The following MS4A4E variants were observed in gnomAD, a reference collection of about 807,000 sequenced individuals.
The protein encoded by MS4A4E is putative membrane-spanning 4-domains subfamily A member 4E.
In MS4A4E, 23 loss-of-function variants were observed where a neutral mutation model predicts 13.3. The ratio of observed to expected loss-of-function variants is 1.73; its 90% confidence interval spans 1.25 to 2.45. The LOEUF is 2.45. Among genes scored for constraint, MS4A4E ranks in the 30% most tolerant of loss-of-function variants. MS4A4E has a pLI of 0.00. For synonymous variants in MS4A4E, 36 were observed against 45.6 expected (o/e 0.79, Z 0.85); for missense variants, 144 against 131.2 (o/e 1.10, Z -0.48).
chr11:60,220,868 C>T (rs1271499845), intron 3 of MS4A4E, among the ~76,000 whole-genome samples: 4 of 152,144 alleles, frequency 2.6e-5, no homozygotes, highest in Non-Finnish European at 5.9e-5. Context: ...TTACTTGGCC[C>T]ATTAATCAAG....
chr11:60,228,598 A>T lies in MS4A4E; in HGVS notation c.174T>A (p.His58Gln). ...GVLCGHKFST[H>Q]SVSLSVAAGI... Reference sequence around the variant, plus strand: ...CAATATAGTAATCATACTTACCCGAATGAGTTGAAAACTTATGTCCACACA... The same window carrying T: ...CAATATAGTAATCATACTTACCCGATTGAGTTGAAAACTTATGTCCACACA... The change falls in exon 3 of 9, where the codon CAT (histidine) becomes CAA (glutamine). Residue 58 changes from histidine (H) to glutamine (Q), a missense_variant. By Grantham distance (24) the His-to-Gln change is conservative. Around this residue, in one of 3 missense-constraint regions of MS4A4E, gnomAD observed 119 missense variants for 88.7 expected, o/e 1.34. Coordinates refer to ENST00000651255, the MANE Select transcript of MS4A4E (RefSeq NM_001393391.1). 1 of 698,566 alleles carries T rather than the reference A, an allele frequency of 1.4e-6. No homozygotes were observed. Among genetic ancestry groups the T allele is most frequent in the Non-Finnish European group, 2.6e-6 (1 of 383,036 alleles). 43.3% of individuals were successfully genotyped at this position (698,566 alleles called of 1,614,324 possible).
At chr11:60,205,224 AGCAC>A (rs2084024788) in intron 7 of MS4A4E, among the ~76,000 whole-genome samples, 1 of 152,198 alleles carries the variant, frequency 6.6e-6, no homozygotes, top group Admixed American at 6.5e-5. Context: ...ACCACTCTCC[AGCAC>A]ATTAATTCTT....
In MS4A4E at chr11:60,242,992, G is replaced by T; in HGVS notation, c.-51C>A. ...GGCCTGCAATGTCTGCTGCAGGTCT[G>T]ATGAGTGCAGGGCTCTGGGCAAGTT... On this transcript the variant is annotated 5_prime_UTR_variant, in exon 1 of 9. Coordinates refer to ENST00000651255, the MANE Select transcript of MS4A4E (RefSeq NM_001393391.1). The T allele has an allele frequency of 6.3e-7, 1 of 1,581,304 alleles. No homozygotes were observed. Among genetic ancestry groups the T allele is most frequent in the Non-Finnish European group, 8.7e-7 (1 of 1,155,564 alleles).
At chr11:60,239,490 T>G (rs142619607) in intron 1 of MS4A4E, among the ~76,000 whole-genome samples, 1 of 152,146 alleles carries the variant, frequency 6.6e-6, no homozygotes, top group East Asian at 1.9e-4. Context: ...TTGGGGGAAG[T>G]GAAAAAGCAG....
intron 1 of MS4A4E, among the ~76,000 whole-genome samples, chr11:60,239,687 C>T (rs575788632): frequency 6.6e-6 from 1 of 152,316 alleles, no homozygotes; most frequent in Admixed American, 6.5e-5. Context: ...AGGCCCTCCT[C>T]TTCCTCTTGT....
Position 60,233,288 on chromosome 11 carries a change from C to T in MS4A4E, c.-16-3217G>A, listed in dbSNP as rs113612771. On this transcript the variant is annotated intron_variant, in intron 1 of 8. Coordinates refer to ENST00000651255, the MANE Select transcript of MS4A4E (RefSeq NM_001393391.1). ...CCAGGGTTGGAATTGCTGCTATGCCCGATTGTCTCTGGAACCAAAATTTCA... is the reference window on the plus strand; with the variant it reads ...CCAGGGTTGGAATTGCTGCTATGCCTGATTGTCTCTGGAACCAAAATTTCA... 1.7e-3 allele frequency among the ~76,000 whole-genome samples: 258 copies of T among 152,288 alleles called. 1 individual carries two copies. The highest frequency in any genetic ancestry group is 5.9e-3 in the African/African-American group (246 of 41,560).
At chr11:60,235,454 G>A (rs1246071534) in intron 1 of MS4A4E, among the ~76,000 whole-genome samples, 2 of 152,164 alleles carry the variant, frequency 1.3e-5, no homozygotes, top group Non-Finnish European at 2.9e-5. Flanking sequence ...AACAGGGAAA[G>A]GACACTTGCA....
Position 60,229,960 on chromosome 11 carries a change from A to G in MS4A4E, c.96T>C (p.Cys32=). ...TGAAGAACTTCTCTTGCAATCCTTT[A>G]CACAGATATGAATGTATGACATCTA... ...GNIDVIHSYL[C]KGLQEKFFKR... Residue 32 remains cysteine, a synonymous_variant, in exon 2 of 9, where the codon TGT becomes TGC. Coordinates refer to ENST00000651255, the MANE Select transcript of MS4A4E (RefSeq NM_001393391.1). The G allele has an allele frequency of 6.2e-7, 1 of 1,613,520 alleles. No homozygotes were observed. The highest frequency in any genetic ancestry group is 1.1e-5 in the South Asian group (1 of 90,982).
At chr11:60,210,988 C>T (rs2084113639) in intron 5 of MS4A4E, among the ~76,000 whole-genome samples, 1 of 152,084 alleles carries the variant, frequency 6.6e-6, no homozygotes, top group African/African-American at 2.4e-5. Flanking sequence ...AGCATTAGAC[C>T]AAGCACAGGG....
Position 60,201,497 on chromosome 11 carries a change from C to G in MS4A4E, c.*46G>C, listed in dbSNP as rs757459348. On this transcript the variant is annotated 3_prime_UTR_variant, in exon 9 of 9. Coordinates refer to ENST00000651255, the MANE Select transcript of MS4A4E (RefSeq NM_001393391.1). Reference sequence around the variant, plus strand: ...GGGGTCGCGGCCGGGCAGAGGTGCTCCTCACATCCCAGACAGGGCGGTGGG... The same window carrying G: ...GGGGTCGCGGCCGGGCAGAGGTGCTGCTCACATCCCAGACAGGGCGGTGGG... 14 of 256,874 alleles carry G rather than the reference C, an allele frequency of 5.5e-5. 1 individual carries two copies. The highest frequency in any genetic ancestry group is 4.6e-4 in the South Asian group (14 of 30,438). 15.9% of individuals were successfully genotyped at this position (256,874 alleles called of 1,614,324 possible).
At chr11:60,209,619 T>C (rs1329017762) in intron 5 of MS4A4E, among the ~76,000 whole-genome samples, 1 of 152,180 alleles carries the variant, frequency 6.6e-6, no homozygotes, top group Non-Finnish European at 1.5e-5. Flanking sequence ...ACAATGAACA[T>C]CACGTAGGTC....
chr11:60,213,393 A>G, intron 4 of MS4A4E: 1 of 1,212,966 alleles, frequency 8.2e-7, no homozygotes, highest in Non-Finnish European at 1.2e-6. Flanking sequence ...TTTTTTACAC[A>G]TTAGCTGGAC....
intron 5 of MS4A4E, among the ~76,000 whole-genome samples, chr11:60,212,525 G>A (rs933311714): frequency 6.6e-6 from 1 of 152,228 alleles, no homozygotes; most frequent in South Asian, 2.1e-4. Context: ...TAGCCAGGAT[G>A]GTCTCGATCT....
chr11:60,218,637 G>A (rs1345273130), intron 3 of MS4A4E, among the ~76,000 whole-genome samples: 1 of 152,000 alleles, frequency 6.6e-6, no homozygotes, highest in Non-Finnish European at 1.5e-5. Context: ...TTCTCCTCAG[G>A]TGTTGCCAAG....
chr11:60,228,395 T>A (rs1286114214), intron 3 of MS4A4E, among the ~76,000 whole-genome samples, 199 bp downstream of exon 3: 1 of 152,170 alleles, frequency 6.6e-6, no homozygotes, highest in African/African-American at 2.4e-5. Flanking sequence ...GGTAATGAGA[T>A]TGGACTACAC....
At chr11:60,218,110 G>A (rs765537932) in intron 3 of MS4A4E, among the ~76,000 whole-genome samples, 4 of 152,128 alleles carry the variant, frequency 2.6e-5, no homozygotes, top group African/African-American at 4.8e-5. Context: ...CAGATGTGCC[G>A]GTCTCTTATG....
chr11:60,234,363 T>G (rs2084453210), intron 1 of MS4A4E, among the ~76,000 whole-genome samples: 2 of 152,134 alleles, frequency 1.3e-5, no homozygotes, highest in African/African-American at 4.8e-5. Context: ...ATGATTTCAC[T>G]GTCCCCTCTA....
intron 1 of MS4A4E, 87 bp from the exon 2 acceptor site, chr11:60,230,158 C>A: frequency 5.7e-6 from 8 of 1,401,302 alleles, no homozygotes; most frequent in East Asian, 2.4e-5. Context: ...TCCCTAAGGA[C>A]AAAACCTGGT....
At chr11:60,206,512 TAC>T (rs10696106) in intron 6 of MS4A4E, among the ~76,000 whole-genome samples, 1 of 98,352 alleles carries the variant, frequency 1.0e-5, no homozygotes, top group African/African-American at 4.8e-5. Context: ...TATATATATA[TAC>T]ACACACACAC....
Sources: allele counts gnomAD v4.1 joint callset (sites outside exome capture counted in the v4.1 genomes callset), GRCh38; gene constraint gnomAD v4.1.1; regional missense constraint gnomAD v4.1.1; transcripts MANE v1.5; gene names NCBI Gene and HGNC (gene_info 2026-07-23, HGNC 2026-07-21).